The following SULT1E1 variants were observed in gnomAD, a reference collection of about 807,000 sequenced individuals.
SULT1E1 encodes the protein sulfotransferase 1E1.
A neutral mutation model predicts 33.6 loss-of-function variants in SULT1E1; 36 were observed. The observed-to-expected ratio is 1.07, with a 90% CI of 0.82 to 1.41. SULT1E1 has a LOEUF of 1.41. Ranked by LOEUF, SULT1E1 falls within the 40% of genes most tolerant of loss-of-function variation. The probability of loss-of-function intolerance (pLI) is 0.00; values close to 1 mark genes in which losing one functional copy is unlikely to be tolerated. For missense variants in SULT1E1, 371 were observed against 345.7 expected, an observed-to-expected ratio of 1.07 and a Z score of -0.58; for synonymous variants, 121 against 111.7, an observed-to-expected ratio of 1.08 and a Z score of -0.53.
the SULT1E1 span, among the ~76,000 whole-genome samples, chr4:69,825,707 T>A: frequency 6.6e-6 from 1 of 152,042 alleles, no homozygotes; most frequent in Non-Finnish European, 1.5e-5. Context: ...AGCTCCGGGG[T>A]CCCGACAACA....
the SULT1E1 span, among the ~76,000 whole-genome samples, chr4:69,834,023 G>A: frequency 3.9e-5 from 6 of 152,022 alleles, no homozygotes; most frequent in African/African-American, 1.4e-4. Context: ...AGTTTCTTCT[G>A]GTTTTCCTCC....
intron 3 of SULT1E1, 130 bp from the exon 4 acceptor site, chr4:69,854,444 A>C (rs148877683): frequency 1.7e-6 from 1 of 596,688 alleles, no homozygotes; most frequent in African/African-American, 1.9e-5. Context: ...TGTAACACAA[A>C]GTATAAATTC....
At chr4:69,841,187 C>T (rs902668734), downstream of SULT1E1, 9 of 152,142 alleles carry the variant, frequency 5.9e-5, no homozygotes, top group Non-Finnish European at 1.5e-5. Flanking sequence ...TAATGTCCTA[C>T]TAAATGGAAA....
chr4:69,831,559 T>C, the SULT1E1 span, among the ~76,000 whole-genome samples: 19 of 152,326 alleles, frequency 1.2e-4, no homozygotes, highest in Admixed American at 1.2e-3. Flanking sequence ...TCTCAACCTT[T>C]GGGGGGTCAG....
the SULT1E1 span, among the ~76,000 whole-genome samples, chr4:69,832,587 C>A: frequency 1.3e-5 from 2 of 152,166 alleles, no homozygotes; most frequent in African/African-American, 4.8e-5. Flanking sequence ...GCATATAACT[C>A]AGGTTTAGTA....
intron 1 of SULT1E1, among the ~76,000 whole-genome samples, chr4:69,858,809 T>C (rs998276420): frequency 2.0e-5 from 3 of 152,154 alleles, no homozygotes; most frequent in African/African-American, 7.2e-5. Flanking sequence ...GAAATGTGTA[T>C]AAAATGCACC....
At chr4:69,858,003 C>T (rs1166706211) in intron 1 of SULT1E1, among the ~76,000 whole-genome samples, 1 of 152,016 alleles carries the variant, frequency 6.6e-6, no homozygotes, top group African/African-American at 2.4e-5. Flanking sequence ...TATAAAAAGA[C>T]AAAGAGGTCC....
chr4:69,846,304 T>TAAAAAAAAAA (rs1720974501), intron 6 of SULT1E1, among the ~76,000 whole-genome samples: 1 of 20,982 alleles, frequency 4.8e-5, no homozygotes, highest in Non-Finnish European at 1.0e-4. Context: ...AACAAAACAA[T>TAAAAAAAAAA]CAAAAAAAAA....
the SULT1E1 span, among the ~76,000 whole-genome samples, chr4:69,828,036 C>G: frequency 6.6e-6 from 1 of 152,210 alleles, no homozygotes. Flanking sequence ...ACCAGATGAT[C>G]CAACAACAGG....
chr4:69,841,792 G>T lies in SULT1E1; in HGVS notation c.*202C>A. On this transcript the variant is annotated 3_prime_UTR_variant, in exon 8 of 8. Transcript: ENST00000226444. ...GGAGGTCAAGGCTGCAATCAGCCAT[G>T]ATTGTGCCACTGTCCTCCAGCCTAG... 1 of 404,320 alleles carries T rather than the reference G, an allele frequency of 2.5e-6. No individual in the cohort carries two copies. Among genetic ancestry groups the T allele is most frequent in the Non-Finnish European group, 4.3e-6 (1 of 230,964 alleles). The allele number at this position is 404,320 out of a possible 1,614,324, so 25.0% of individuals were successfully genotyped here. A position where few individuals can be genotyped will look rare whatever the true frequency, so the allele number is the denominator to read the frequency against.
chr4:69,838,100 G>A (rs1171341988), downstream of SULT1E1, among the ~76,000 whole-genome samples: 2 of 152,012 alleles, frequency 1.3e-5, no homozygotes, highest in African/African-American at 4.8e-5. Flanking sequence ...GCTTTCACTG[G>A]TTGTAGAATC....
At chr4:69,824,351 C>T in the SULT1E1 span, among the ~76,000 whole-genome samples, 8 of 152,194 alleles carry the variant, frequency 5.3e-5, no homozygotes, top group African/African-American at 1.9e-4. Context: ...TTCCTTTTCA[C>T]TCATGGACAT....
chr4:69,821,293 C>T, the SULT1E1 span, among the ~76,000 whole-genome samples: 3 of 152,086 alleles, frequency 2.0e-5, no homozygotes, highest in Non-Finnish European at 4.4e-5. Flanking sequence ...TAATAAATAA[C>T]CCAATTTCAT....
Position 69,842,113 on chromosome 4 carries a change from C to A in SULT1E1, c.773-7G>T. On this transcript the variant is annotated splice_polypyrimidine_tract_variant and splice_region_variant and intron_variant, in intron 7 of 7. Transcript: ENST00000226444. ...TTCCAGTCTCCTGTAATTCCTGTAACAAAAAAGAAAGCTCAATAAATATTA... is the reference window on the plus strand; with the variant it reads ...TTCCAGTCTCCTGTAATTCCTGTAAAAAAAAAGAAAGCTCAATAAATATTA... The A allele has an allele frequency of 6.6e-7, 1 of 1,510,790 alleles. No homozygotes were observed. The highest frequency in any genetic ancestry group is 1.9e-5 in the Admixed American group (1 of 53,830). The allele number at this position is 1,510,790 out of a possible 1,614,324, so 93.6% of individuals were successfully genotyped here.
the SULT1E1 span, among the ~76,000 whole-genome samples, chr4:69,822,021 A>G: frequency 2.0e-5 from 3 of 152,230 alleles, no homozygotes; most frequent in Admixed American, 2.0e-4. Flanking sequence ...AATAACTTGG[A>G]AAAGCAAGAA....
At chr4:69,831,589 GA>G in the SULT1E1 span, among the ~76,000 whole-genome samples, 8 of 152,132 alleles carry the variant, frequency 5.3e-5, no homozygotes, top group Non-Finnish European at 8.8e-5. Flanking sequence ...ATAATCCCCT[GA>G]AAAAACTTTC....
chr4:69,852,013 T>C (rs988332164), intron 4 of SULT1E1, among the ~76,000 whole-genome samples: 1 of 152,080 alleles, frequency 6.6e-6, no homozygotes, highest in Non-Finnish European at 1.5e-5. Context: ...TTAGAAGATA[T>C]ACCTAATGTA....
At chr4:69,848,361 G>T (rs1269719158) in intron 5 of SULT1E1, among the ~76,000 whole-genome samples, 3 of 151,700 alleles carry the variant, frequency 2.0e-5, no homozygotes, top group Non-Finnish European at 3.0e-5. Context: ...ATAACCAAAT[G>T]CTGTCTCTTC....
In SULT1E1 at chr4:69,842,084, A is replaced by G. The variant is rs779895979; in HGVS notation, c.795T>C (p.Asn265=). The G allele has an allele frequency of 3.1e-6, 5 of 1,605,394 alleles. No homozygotes were observed. The South Asian group carries it at 5.6e-5, about 18-fold the overall frequency. ...TTTCATTCAGGGCTACTGTAAAGTGATTTTTCCAGTCTCCTGTAATTCCTG... is the reference window on the plus strand; with the variant it reads ...TTTCATTCAGGGCTACTGTAAAGTGGTTTTTCCAGTCTCCTGTAATTCCTG... ...MRKGITGDWK[N]HFTVALNEKF... is the part of the protein sequence containing the mutation. The change falls in exon 8 of 8, where the codon AAT becomes AAC. Residue 265 remains asparagine, a synonymous_variant. Transcript: ENST00000226444.
Sources: gnomAD v4.1 joint callset for allele counts (sites outside exome capture counted in the v4.1 genomes callset) on GRCh38, gnomAD v4.1.1 for gene constraint, MANE v1.5 for transcripts, NCBI Gene and HGNC (gene_info 2026-07-23, HGNC 2026-07-21) for gene names.